The following KLHL2 variants were observed in gnomAD, a reference collection of about 807,000 sequenced individuals.
KLHL2 encodes kelch like family member 2, also known as kelch-like protein 2.
KLHL2 carries 15 observed loss-of-function variants against 75.8 expected under a neutral mutation model. The observed-to-expected ratio is 0.20, with a 90% confidence interval of 0.13 to 0.30. The LOEUF is 0.30. KLHL2 is among the 10% of genes least tolerant of loss of function. KLHL2 has a pLI of 1.00. For synonymous variants in KLHL2, 214 were observed against 251.9 expected, an observed-to-expected ratio of 0.85 and a Z score of 1.42; for missense variants, 381 against 741.0, an observed-to-expected ratio of 0.51 and a Z score of 5.64.
intron 4 of KLHL2, among the ~76,000 whole-genome samples, chr4:165,257,452 G>A (rs1178360740): frequency 6.6e-6 from 1 of 152,202 alleles, no homozygotes; most frequent in Non-Finnish European, 1.5e-5. Context: ...GTGGGTATGA[G>A]CCCAGTGCAT....
chr4:165,263,540 A>G (rs1241803142), intron 5 of KLHL2, among the ~76,000 whole-genome samples, 181 bp downstream of exon 5: 1 of 152,116 alleles, frequency 6.6e-6, no homozygotes, highest in East Asian at 1.9e-4. Flanking sequence ...CTGAACTTAA[A>G]AAGCAAGCAA....
At chr4:165,306,476 G>A (rs1745736130) in intron 9 of KLHL2, among the ~76,000 whole-genome samples, 1 of 152,182 alleles carries the variant, frequency 6.6e-6, no homozygotes, top group East Asian at 1.9e-4. Context: ...ACATCATTGT[G>A]TACATATGCT....
At chr4:165,304,754 A>G (rs555844194) in intron 8 of KLHL2, among the ~76,000 whole-genome samples, 1 of 152,314 alleles carries the variant, frequency 6.6e-6, no homozygotes, top group East Asian at 1.9e-4. Context: ...TACTAATCAC[A>G]TAATTTTTCG....
At chr4:165,246,014 G>C (rs1046066940) in intron 4 of KLHL2, among the ~76,000 whole-genome samples, 1 of 152,128 alleles carries the variant, frequency 6.6e-6, no homozygotes, top group Non-Finnish European at 1.5e-5. Flanking sequence ...GTCTTGAAAG[G>C]CTTTACATTG....
At chr4:165,264,605 T>TATATATATATATACAC (rs757273597) in intron 5 of KLHL2, among the ~76,000 whole-genome samples, 105 of 124,118 alleles carry the variant, frequency 8.5e-4, no homozygotes, top group African/African-American at 3.0e-3. Context: ...TATATATATA[T>TATATATATATATACAC]ACACACACAC....
chr4:165,267,193 C>G (rs990612322), intron 5 of KLHL2, among the ~76,000 whole-genome samples: 1 of 152,186 alleles, frequency 6.6e-6, no homozygotes, highest in African/African-American at 2.4e-5. Flanking sequence ...AGTTGCTTAT[C>G]AGCTTAAGGA....
At chr4:165,316,588 C>T (rs977417239) in intron 13 of KLHL2, among the ~76,000 whole-genome samples, 3 of 152,100 alleles carry the variant, frequency 2.0e-5, no homozygotes, top group African/African-American at 7.2e-5. Context: ...TAAAAAATTA[C>T]ATTGAAATAG....
chr4:165,278,501 C>T (rs575765026), intron 5 of KLHL2: 1 of 1,600,918 alleles, frequency 6.2e-7, no homozygotes, highest in African/African-American at 1.3e-5. Flanking sequence ...TTGAGTGAGT[C>T]CACAGATTAT....
chr4:165,299,395 A>G, intron 7 of KLHL2, 112 bp from the exon 8 acceptor site: 3 of 928,630 alleles, frequency 3.2e-6, no homozygotes, highest in South Asian at 2.3e-5. Context: ...TTTTTAGACT[A>G]AACTAAAGGA....
chr4:165,319,904 G>C lies in KLHL2; in HGVS notation c.1753+1935G>C, dbSNP rs13353543. Among the ~76,000 whole-genome samples, 68,983 of 151,948 alleles carry C rather than the reference G, an allele frequency of 0.45. 16,242 individuals carry two copies. Among genetic ancestry groups the C allele is most frequent in the African/African-American group, 0.55 (22,810 of 41,424 alleles). The stretch of plus-strand genomic sequence containing the variant: ...AACTCTAATATGATTTGAGAAAAAG[G>C]AAAGTCATTATGTGACAACCTGAAG... On this transcript the variant is annotated intron_variant, in intron 14 of 14. Transcript: ENST00000226725. The surrounding 1 kb of genome is among the most constrained non-coding windows in gnomAD (Gnocchi z 4.5).
chr4:165,258,236 A>T (rs1441130129), intron 4 of KLHL2, among the ~76,000 whole-genome samples: 1 of 152,168 alleles, frequency 6.6e-6, no homozygotes, highest in Non-Finnish European at 1.5e-5. Flanking sequence ...TAACATTCAA[A>T]ATATATATCA....
At chr4:165,318,625 C>T (rs920814377) in intron 14 of KLHL2, among the ~76,000 whole-genome samples, 2 of 151,984 alleles carry the variant, frequency 1.3e-5, no homozygotes, top group Admixed American at 1.3e-4. Context: ...GAACTATGTA[C>T]AGTAGAATTC....
At chr4:165,209,072 G>T (rs1490293047) in intron 1 of KLHL2, among the ~76,000 whole-genome samples, 1 of 152,198 alleles carries the variant, frequency 6.6e-6, no homozygotes, top group African/African-American at 2.4e-5. Flanking sequence ...GGAACAGGTC[G>T]TGGAAATCTA....
intron 5 of KLHL2, chr4:165,278,708 G>T (rs149742140): frequency 6.2e-7 from 1 of 1,603,420 alleles, no homozygotes. Context: ...GTAATATACC[G>T]GTTTGTCTCT....
At chr4:165,292,989 A>G (rs1364943946) in intron 5 of KLHL2, among the ~76,000 whole-genome samples, 9 of 152,162 alleles carry the variant, frequency 5.9e-5, no homozygotes, top group Non-Finnish European at 7.3e-5. Context: ...CCTCACAGCA[A>G]TCTTATTTTT....
intron 5 of KLHL2, among the ~76,000 whole-genome samples, chr4:165,283,731 G>A (rs11730816): frequency 0.089 from 13,505 of 152,254 alleles, 1,315 homozygotes; most frequent in African/African-American, 0.25. Context: ...TACCCCAGTA[G>A]GGATTCTGTG....
Position 165,251,649 on chromosome 4 carries a change from G to A in KLHL2, c.382-11548G>A, listed in dbSNP as rs1285739407. The stretch of plus-strand genomic sequence containing the variant: ...TTTTGAGACGGAGTCTCGCTCTGTC[G>A]CCCAGGCTGGAGTGCAGTGGCGGGA... On this transcript the variant is annotated intron_variant, in intron 4 of 14. Transcript: ENST00000226725. Among the ~76,000 whole-genome samples the A allele has an allele frequency of 3.7e-5, 5 of 134,818 alleles. No individual in the cohort carries two copies. The South Asian group carries it at 1.2e-3, about 32-fold the overall frequency. 88.4% of individuals were successfully genotyped at this position (134,818 alleles called of 152,430 possible). A position where few individuals can be genotyped will look rare whatever the true frequency, so the allele number is the denominator to read the frequency against.
intron 4 of KLHL2, among the ~76,000 whole-genome samples, chr4:165,250,840 T>TA (rs1740644184): frequency 6.6e-6 from 1 of 152,048 alleles, no homozygotes; most frequent in African/African-American, 2.4e-5. Flanking sequence ...TCAGGTCATA[T>TA]AAAAAATGTC....
At chr4:165,222,948 C>T in intron 2 of KLHL2, among the ~76,000 whole-genome samples, 1 of 152,192 alleles carries the variant, frequency 6.6e-6, no homozygotes, top group Non-Finnish European at 1.5e-5. Flanking sequence ...AAGTCACTTT[C>T]AATTATGGCT....
Sources: allele counts gnomAD v4.1 joint callset (sites outside exome capture counted in the v4.1 genomes callset), GRCh38; gene constraint gnomAD v4.1.1; non-coding constraint Gnocchi (gnomAD v3.1); transcripts MANE v1.5; gene names NCBI Gene and HGNC (gene_info 2026-07-23, HGNC 2026-07-21).